Variants in HIRIP3 observed in about 807,000 individuals in gnomAD.
The protein encoded by HIRIP3 is HIRA-interacting protein 3.
In HIRIP3, 40 loss-of-function variants were observed where a neutral mutation model predicts 50.3. That is an observed-to-expected ratio of 0.79 (90% CI 0.62 to 1.03). The LOEUF (loss-of-function observed/expected upper bound fraction) is 1.03, where lower values mean the gene tolerates loss of function less well. Among genes scored for constraint, HIRIP3 ranks in the 50% least tolerant of loss-of-function variants. The pLI is 0.00. For missense variants in HIRIP3, 765 were observed against 705.4 expected, an observed-to-expected ratio of 1.08 and a Z score of -0.96; for synonymous variants, 318 against 261.6, an observed-to-expected ratio of 1.22 and a Z score of -2.08.
At position 29,995,231 on chromosome 16, in the gene HIRIP3, A is replaced by C; in HGVS notation, c.187-14T>G. 1 of 1,614,180 alleles carries C rather than the reference A, an allele frequency of 6.2e-7. No homozygotes were observed. Among genetic ancestry groups the C allele is most frequent in the East Asian group, 2.2e-5 (1 of 44,892 alleles). On this transcript the variant is annotated splice_polypyrimidine_tract_variant and intron_variant, in intron 2 of 6. Coordinates refer to ENST00000279392, the MANE Select transcript of HIRIP3 (RefSeq NM_003609.5). ...GGCTTCATCCACCTGTGTGTGCGCC[A>C]AGAGGGCAAACTATGCACCAAGGCT...
rs573850419 is a variant in HIRIP3 at position 29,994,332 on chromosome 16, C to G, written c.813G>C (p.Arg271Ser). 1 of 1,614,158 alleles carries G rather than the reference C, an allele frequency of 6.2e-7. No individual in the cohort carries two copies. The highest frequency in any genetic ancestry group is 1.1e-5 in the South Asian group (1 of 91,082). ...TTTTCTGCTTACAGCTCCTCTCCTC[C>G]CTAGCTGACTTTCTCCGGCCATTGC... ...TRSNGRRKSA[R>S]EERSCKQKSQ... Residue 271 changes from arginine (R) to serine (S), a missense_variant, in exon 4 of 7, where the codon AGG (arginine) becomes AGC (serine). Arg to Ser is a moderately radical substitution (Grantham distance 110). Transcript: ENST00000279392.
Position 29,994,655 on chromosome 16 carries a change from C to T in HIRIP3, c.490G>A (p.Glu164Lys), listed in dbSNP as rs929797609. Residue 164 changes from glutamate to lysine, a missense_variant, in exon 4 of 7, where the codon GAA becomes AAA. Glu to Lys is a moderately conservative substitution (Grantham distance 56, BLOSUM62 1). Coordinates refer to ENST00000279392, the MANE Select transcript of HIRIP3 (RefSeq NM_003609.5). ...CTAGTCTTCCCCTTGTACCCCTTTT[C>T]CTCCTCCTCACTGCTCTCCTCTCCC... Reference protein sequence around the residue: ...QRGEESSEEEEKGYKGKTRKK... With the variant: ...QRGEESSEEEKKGYKGKTRKK... 6.2e-7 allele frequency: 1 copy of T among 1,614,118 alleles called. No individual in the cohort carries two copies.
chr16:29,994,874 C>T lies in HIRIP3; in HGVS notation c.302-31G>A, dbSNP rs1419590824. The stretch of plus-strand genomic sequence containing the variant: ...ATATGGAGAGGAGAGAGGGTTGAGA[C>T]AGGCTCCTCCTGTCCCTTCTCCCTT... On this transcript the variant is annotated intron_variant, in intron 3 of 6. Transcript: ENST00000279392. 5 of 1,564,962 alleles carry T rather than the reference C, an allele frequency of 3.2e-6. No individual in the cohort carries two copies. The South Asian group carries it at 6.0e-5, about 19-fold the overall frequency.
Position 29,995,322 on chromosome 16 carries a change from C to T in HIRIP3, c.186+21G>A, listed in dbSNP as rs775300654. The T allele has an allele frequency of 1.4e-5, 23 of 1,609,188 alleles. No individual in the cohort carries two copies. The East Asian group carries it at 4.2e-4, about 30-fold the overall frequency. ...AAGCCCCGCCTCCGCCTCCCGCGGC[C>T]CAGGCTCCGGCCCGGCACACCTGCA... On this transcript the variant is annotated intron_variant, in intron 2 of 6. Coordinates refer to ENST00000279392, the MANE Select transcript of HIRIP3 (RefSeq NM_003609.5).
Position 29,994,103 on chromosome 16 carries a change from CTTT to C in HIRIP3, c.1039_1041del (p.Lys347del). 2 of 1,613,908 alleles carry C rather than the reference CTTT, an allele frequency of 1.2e-6. No homozygotes were observed. Among genetic ancestry groups the C allele is most frequent in the Non-Finnish European group, 1.7e-6 (2 of 1,179,928 alleles). ...CCCAGTCTGGCCATCTTTCTAGAGC[CTTT>C]AGCTGTGGGTTCCCCCTTCCCACTG... On this transcript the variant is annotated inframe_deletion, in exon 4 of 7. Coordinates refer to ENST00000279392, the MANE Select transcript of HIRIP3 (RefSeq NM_003609.5).
At chr16:29,993,593 A>G in intron 5 of HIRIP3, 36 bp from the exon 6 acceptor site, 1 of 1,611,806 alleles carries the variant, frequency 6.2e-7, no homozygotes, top group Non-Finnish European at 8.5e-7. Flanking sequence ...TCTCCTCCCC[A>G]GCAGGAAGGC....
chr16:29,994,454 T>A lies in HIRIP3; in HGVS notation c.691A>T (p.Ile231Phe). ...CTCTGCTCTTTCTTCTGGGCTAGGA[T>A]CTCCTCTTCACTCTCCTGTTCACTT... ...KESEQESEEE[I>F]LAQKKEQREE... Residue 231 changes from isoleucine (I) to phenylalanine (F), a missense_variant, in exon 4 of 7, where the codon ATC (isoleucine) becomes TTC (phenylalanine). Ile to Phe is a conservative substitution (Grantham distance 21). Transcript: ENST00000279392. The A allele has an allele frequency of 6.2e-7, 1 of 1,613,954 alleles. No homozygotes were observed. Among genetic ancestry groups the A allele is most frequent in the Non-Finnish European group, 8.5e-7 (1 of 1,179,938 alleles).
At position 29,994,623 on chromosome 16, in the gene HIRIP3, T is replaced by C; in HGVS notation, c.522A>G (p.Lys174=). 1 of 1,614,108 alleles carries C rather than the reference T, an allele frequency of 6.2e-7. No homozygotes were observed. Among genetic ancestry groups the C allele is most frequent in the Non-Finnish European group, 8.5e-7 (1 of 1,180,010 alleles). Residue 174 remains lysine (K), a synonymous_variant, in exon 4 of 7, where the codon AAA becomes AAG. Coordinates refer to ENST00000279392, the MANE Select transcript of HIRIP3 (RefSeq NM_003609.5). The part of the protein sequence containing the change: ...EKGYKGKTRK[K]PVVKKQAPGK... ...CTGGTGCCTGCTTCTTTACCACAGG[T>C]TTCTTCCTAGTCTTCCCCTTGTACC...
At position 29,994,235 on chromosome 16, in the gene HIRIP3, C is replaced by T. The variant is rs749615547; in HGVS notation, c.910G>A (p.Asp304Asn). The T allele has an allele frequency of 1.2e-5, 19 of 1,614,008 alleles. No homozygotes were observed. Among genetic ancestry groups the T allele is most frequent in the East Asian group, 4.5e-5 (2 of 44,888 alleles). The change falls in exon 4 of 7, where the codon GAC becomes AAC. Residue 304 changes from aspartate (D) to asparagine (N), a missense_variant. Physicochemically the swap from Asp to Asn is conservative, Grantham distance 23. Coordinates refer to ENST00000279392, the MANE Select transcript of HIRIP3 (RefSeq NM_003609.5). ...EQKEAASSGDDSGRDREPPVQ... is the reference protein window; with the variant it reads ...EQKEAASSGDNSGRDREPPVQ... ...GGGGGTTCTCTATCTCTCCCACTGTCATCCCCACTGCTGGCTGCCTCTTTC... is the reference window on the plus strand; with the variant it reads ...GGGGGTTCTCTATCTCTCCCACTGTTATCCCCACTGCTGGCTGCCTCTTTC...
Position 29,993,962 on chromosome 16 carries a change from T to C in HIRIP3, c.1183A>G (p.Arg395Gly). ...RSSKKSSRKG[R>G]TRSSSSSSDG... Reference sequence around the variant, plus strand: ...GAGGAGGAAGAGGAGCTTCGTGTCCTGCCTTTCCTGGAGCTCTTCTTGGAA... The same window carrying C: ...GAGGAGGAAGAGGAGCTTCGTGTCCCGCCTTTCCTGGAGCTCTTCTTGGAA... Residue 395 changes from arginine to glycine, a missense_variant, in exon 4 of 7, where the codon AGG becomes GGG. By Grantham distance (125) the Arg-to-Gly change is moderately radical. Transcript: ENST00000279392. 1.3e-6 allele frequency: 2 copies of C among 1,561,274 alleles called. No homozygotes were observed. The highest frequency in any genetic ancestry group is 1.7e-6 in the Non-Finnish European group (2 of 1,154,456).
Position 29,995,152 on chromosome 16 carries a change from G to C in HIRIP3, c.252C>G (p.Thr84=), listed in dbSNP as rs763199720. 1.2e-6 allele frequency: 2 copies of C among 1,614,246 alleles called. No individual in the cohort carries two copies. Among genetic ancestry groups the C allele is most frequent in the South Asian group, 1.1e-5 (1 of 91,092 alleles). The change falls in exon 3 of 7, where the codon ACC becomes ACG. Residue 84 remains threonine (T), a synonymous_variant. Transcript: ENST00000279392. Reference sequence around the variant, plus strand: ...TTTTTCTCTCCGGGTCGCTACAAGGGGTGGGAGGCCTCTTGCCCTTCTTGG... The same window carrying C: ...TTTTTCTCTCCGGGTCGCTACAAGGCGTGGGAGGCCTCTTGCCCTTCTTGG... ...DLTKKGKRPP[T]PCSDPERKRF... is the part of the protein sequence containing the mutation.
rs145090885 is a variant in HIRIP3, at chr16:29,994,526, T to C, written c.619A>G (p.Thr207Ala). 9.3e-5 allele frequency: 150 copies of C among 1,614,162 alleles called. No individual in the cohort carries two copies. In the African/African-American group the frequency reaches 1.7e-3, roughly 18 times the overall value. ...TTATTTCCCTCCACCTTCTTTGCTG[T>C]CCTCTGAACGGGTTCTGCCTCGCTC... Reference protein sequence around the residue: ...EESEAEPVQRTAKKVEGNKGT... With the variant: ...EESEAEPVQRAAKKVEGNKGT... The change falls in exon 4 of 7, where the codon ACA (threonine) becomes GCA (alanine). Residue 207 changes from threonine to alanine, a missense_variant. Transcript: ENST00000279392.
intron 3 of HIRIP3, 37 bp from the exon 4 acceptor site, chr16:29,994,880 C>G: frequency 1.3e-6 from 2 of 1,554,274 alleles, no homozygotes; most frequent in South Asian, 2.4e-5. Context: ...GAGACAGGCT[C>G]CTCCTGTCCC....
chr16:29,995,027 T>G (rs2070056240), intron 3 of HIRIP3, 76 bp downstream of exon 3: 2 of 1,518,382 alleles, frequency 1.3e-6, no homozygotes, highest in Non-Finnish European at 1.8e-6. Context: ...CCTGGGGACA[T>G]AAGAGATGCG....
rs764793156 is a variant in HIRIP3 at position 29,995,357 on chromosome 16, G to C, written c.172C>G (p.Leu58Val). 1 of 1,611,458 alleles carries C rather than the reference G, an allele frequency of 6.2e-7. No homozygotes were observed. The highest frequency in any genetic ancestry group is 8.5e-7 in the Non-Finnish European group (1 of 1,179,050). ...QALKRLVEEE[L>V]LKMQVDEAAS... ...GCCCGGCACACCTGCATCTTCAGCA[G>C]CTCCTCCTCCACCAGCCGCTTCAGT... Residue 58 changes from leucine (L) to valine (V), a missense_variant, in exon 2 of 7, where the codon CTG (leucine) becomes GTG (valine). Coordinates refer to ENST00000279392, the MANE Select transcript of HIRIP3 (RefSeq NM_003609.5).
In HIRIP3 at chr16:29,994,813, T is replaced by G. The variant is rs764220901; in HGVS notation, c.332A>C (p.Tyr111Ser). 1 of 1,613,078 alleles carries G rather than the reference T, an allele frequency of 6.2e-7. No individual in the cohort carries two copies. Among genetic ancestry groups the G allele is most frequent in the Non-Finnish European group, 8.5e-7 (1 of 1,179,496 alleles). ...ESGSEASSPD[Y>S]FGPPAKNGVA... ...CCCATTCTTTGCTGGGGGTCCAAAG[T>G]AGTCTGGGCTGGAGGCTTCAGAGCC... The change falls in exon 4 of 7, where the codon TAC becomes TCC. Residue 111 changes from tyrosine to serine, a missense_variant. By Grantham distance (144) the Tyr-to-Ser change is moderately radical. Transcript: ENST00000279392.
rs2070022377 is a variant in HIRIP3, at chr16:29,993,894, C to T, written c.1239+12G>A. 6.3e-7 allele frequency: 1 copy of T among 1,581,242 alleles called. No individual in the cohort carries two copies. The highest frequency in any genetic ancestry group is 8.6e-7 in the Non-Finnish European group (1 of 1,161,924). On this transcript the variant is annotated intron_variant, in intron 4 of 6. Transcript: ENST00000279392. ...TCCCTAATAGTGGCCTCCCACCCCTCCTCACCCTCACCTTCCCTCCTTTGG... is the reference window on the plus strand; with the variant it reads ...TCCCTAATAGTGGCCTCCCACCCCTTCTCACCCTCACCTTCCCTCCTTTGG...
Position 29,993,717 on chromosome 16 carries a change from T to C in HIRIP3, c.1331A>G (p.Lys444Arg). The C allele has an allele frequency of 6.2e-7, 1 of 1,609,388 alleles. No homozygotes were observed. The highest frequency in any genetic ancestry group is 2.2e-5 in the East Asian group (1 of 44,878). The change falls in exon 5 of 7, where the codon AAG becomes AGG. Residue 444 changes from lysine to arginine, a missense_variant. By Grantham distance (26) the Lys-to-Arg change is conservative. Coordinates refer to ENST00000279392, the MANE Select transcript of HIRIP3 (RefSeq NM_003609.5). The part of the protein sequence containing the change: ...RACGAHRNYK[K>R]LLGSCCSHKE... ...GTGTGAGCAACAGGAGCCCAACAGC[T>C]TCTTGTAGTTTCGATGGGCACCACA...
At chr16:29,995,898 C>G, upstream of HIRIP3, 1 of 575,684 alleles carries the variant, frequency 1.7e-6, no homozygotes, top group Non-Finnish European at 3.1e-6. Context: ...CAGCCCGCGA[C>G]GCTGCCTTTC....
Sources: allele counts gnomAD v4.1 joint callset, GRCh38; gene constraint gnomAD v4.1.1; transcripts MANE v1.5; gene names NCBI Gene and HGNC (gene_info 2026-07-23, HGNC 2026-07-21).